The following ZNF722 variants were observed in gnomAD, a reference collection of about 807,000 sequenced individuals.
The protein encoded by ZNF722 is zinc finger protein 722.
the ZNF722 span, among the ~76,000 whole-genome samples, chr7:63,999,379 C>T: frequency 6.6e-6 from 1 of 152,102 alleles, no homozygotes; most frequent in East Asian, 1.9e-4. Context: ...CCCTAGTTCA[C>T]CATTTTTCCT....
the ZNF722 span, chr7:64,015,148 G>T: frequency 7.6e-5 from 108 of 1,424,804 alleles, no homozygotes; most frequent in Non-Finnish European, 9.5e-5. Context: ...TTTAAAAAAT[G>T]CTGTAAAAGT....
the ZNF722 span, among the ~76,000 whole-genome samples, chr7:64,002,445 C>T: frequency 1.3e-5 from 2 of 152,050 alleles, no homozygotes; most frequent in African/African-American, 2.4e-5. Context: ...TTGTGTCTGC[C>T]TTAATTTCAT....
the ZNF722 span, among the ~76,000 whole-genome samples, chr7:64,010,283 A>G: frequency 1.3e-5 from 2 of 152,020 alleles, no homozygotes; most frequent in Admixed American, 1.3e-4. Context: ...GCCTTCTGCT[A>G]GCTTTTGAAT....
At chr7:64,007,290 G>T in the ZNF722 span, among the ~76,000 whole-genome samples, 1 of 146,700 alleles carries the variant, frequency 6.8e-6, no homozygotes, top group South Asian at 2.1e-4. Flanking sequence ...TGTGCACAAC[G>T]TGCAGGTTTG....
chr7:64,005,007 T>A, the ZNF722 span, among the ~76,000 whole-genome samples: 1 of 152,186 alleles, frequency 6.6e-6, no homozygotes, highest in African/African-American at 2.4e-5. Flanking sequence ...ACACAACTTA[T>A]TCTGTATGAT....
the ZNF722 span, among the ~76,000 whole-genome samples, chr7:64,003,886 G>T: frequency 6.6e-6 from 1 of 151,924 alleles, no homozygotes; most frequent in African/African-American, 2.4e-5. Flanking sequence ...GTCCTGTTGA[G>T]TTTTCATCTG....
chr7:63,999,031 G>A, the ZNF722 span: 1 of 1,570,986 alleles, frequency 6.4e-7, no homozygotes, highest in Non-Finnish European at 8.8e-7. Context: ...CGTGAGAGGG[G>A]CGGGAGACGG....
At chr7:64,007,246 A>ATATATATATATATATATATATATATATT in the ZNF722 span, among the ~76,000 whole-genome samples, 106 of 145,520 alleles carry the variant, frequency 7.3e-4, 2 homozygotes, top group African/African-American at 2.7e-3. Flanking sequence ...ATATATATAT[A>ATATATATATATATATATATATATATATT]TATATATATT....
At chr7:64,000,192 G>C in the ZNF722 span, among the ~76,000 whole-genome samples, 48 of 150,564 alleles carry the variant, frequency 3.2e-4, no homozygotes, top group African/African-American at 1.1e-3. Flanking sequence ...GTGCAATGGC[G>C]TGATCTTGGC....
the ZNF722 span, chr7:64,015,490 G>C: frequency 6.2e-7 from 1 of 1,610,510 alleles, no homozygotes; most frequent in Non-Finnish European, 8.5e-7. Flanking sequence ...AAACCCTACA[G>C]ATGTGAGGAA....
At chr7:64,006,331 C>T in the ZNF722 span, 495 of 1,281,792 alleles carry the variant, frequency 3.9e-4, 1 homozygote, top group African/African-American at 6.0e-4. Context: ...TAGGTGAGAG[C>T]GAATGAAGCA....
chr7:64,003,400 T>C, the ZNF722 span, among the ~76,000 whole-genome samples: 1 of 152,182 alleles, frequency 6.6e-6, no homozygotes, highest in Non-Finnish European at 1.5e-5. Context: ...GAATAGGTTG[T>C]GCTTTAAAGG....
the ZNF722 span, among the ~76,000 whole-genome samples, chr7:64,004,911 A>G: frequency 6.6e-6 from 1 of 152,170 alleles, no homozygotes; most frequent in Non-Finnish European, 1.5e-5. Context: ...CTGAAACAAA[A>G]TCTGCACAAG....
At chr7:64,010,034 G>A in the ZNF722 span, among the ~76,000 whole-genome samples, 1 of 152,124 alleles carries the variant, frequency 6.6e-6, no homozygotes, top group African/African-American at 2.4e-5. Flanking sequence ...TTGTGTAGAG[G>A]TGTTTATAGT....
the ZNF722 span, among the ~76,000 whole-genome samples, chr7:64,001,527 T>C: frequency 6.6e-6 from 1 of 152,230 alleles, no homozygotes; most frequent in African/African-American, 2.4e-5. Flanking sequence ...TGGTTCTTGC[T>C]ATTGTGAATC....
chr7:63,999,332 A>G, the ZNF722 span, among the ~76,000 whole-genome samples: 1 of 152,194 alleles, frequency 6.6e-6, no homozygotes, highest in African/African-American at 2.4e-5. Flanking sequence ...CTCAGGGTGC[A>G]GGATTCATAA....
At chr7:64,007,569 A>C in the ZNF722 span, among the ~76,000 whole-genome samples, 107,758 of 151,892 alleles carry the variant, frequency 0.71, 38,794 homozygotes, top group Non-Finnish European at 0.77. Flanking sequence ...AATCACATGA[A>C]CTCATCCTTT....
chr7:64,008,373 T>G, the ZNF722 span, among the ~76,000 whole-genome samples: 1 of 152,240 alleles, frequency 6.6e-6, no homozygotes, highest in Admixed American at 6.5e-5. Flanking sequence ...TTTTATGGTT[T>G]TAGATCTAAC....
At chr7:64,007,382 C>T in the ZNF722 span, among the ~76,000 whole-genome samples, 1 of 151,968 alleles carries the variant, frequency 6.6e-6, no homozygotes, top group East Asian at 1.9e-4. Context: ...CTAATGCTAT[C>T]CCTCCCCCAT....
Sources: allele counts gnomAD v4.1 joint callset (sites outside exome capture counted in the v4.1 genomes callset), GRCh38; gene constraint gnomAD v4.1.1; transcripts MANE v1.5; gene names NCBI Gene and HGNC (gene_info 2026-07-23, HGNC 2026-07-21).